MAGI2: variants seen among roughly 807,000 people sequenced by gnomAD.
The protein encoded by MAGI2 is membrane-associated guanylate kinase, WW and PDZ domain-containing protein 2.
MAGI2 carries 35 observed loss-of-function variants against 133.3 expected under a neutral mutation model. The ratio of observed to expected loss-of-function variants is 0.26; its 90% CI spans 0.20 to 0.35. MAGI2 has a LOEUF of 0.35. MAGI2 is among the 10% of genes least tolerant of loss of function. MAGI2 has a pLI of 1.00. For missense variants in MAGI2, 1,636 were observed against 1,863.4 expected, an observed-to-expected ratio of 0.88 and a Z score of 2.25; for synonymous variants, 729 against 710.6, an observed-to-expected ratio of 1.03 and a Z score of -0.41.
chr7:79,033,042 G>T (rs1229199379), intron 1 of MAGI2, among the ~76,000 whole-genome samples: 1 of 152,096 alleles, frequency 6.6e-6, no homozygotes, highest in Non-Finnish European at 1.5e-5. Context: ...AAAGCCAGGA[G>T]ATTTTTGAAC....
intron 1 of MAGI2, among the ~76,000 whole-genome samples, chr7:79,346,702 C>T (rs1260366828): frequency 5.3e-5 from 8 of 151,952 alleles, no homozygotes; most frequent in African/African-American, 1.9e-4. Context: ...GGTTATTGCT[C>T]TTCCTCCAGT....
chr7:79,073,763 C>T (rs984664987), intron 1 of MAGI2, among the ~76,000 whole-genome samples: 1 of 151,592 alleles, frequency 6.6e-6, no homozygotes, highest in South Asian at 2.1e-4. Context: ...CCTCCAACCC[C>T]ATCTTATGCC....
At chr7:78,465,737 T>A (rs565895583) in intron 6 of MAGI2, among the ~76,000 whole-genome samples, 1 of 152,260 alleles carries the variant, frequency 6.6e-6, no homozygotes, top group East Asian at 1.9e-4. Context: ...ATGGCTATGA[T>A]TTCTCTGCTT....
chr7:78,167,484 T>C (rs1419698561), intron 15 of MAGI2, among the ~76,000 whole-genome samples: 1 of 152,236 alleles, frequency 6.6e-6, no homozygotes, highest in Non-Finnish European at 1.5e-5. Context: ...AGCTTTATTG[T>C]TACCTTTTAT....
chr7:79,142,090 T>C (rs1431585795), intron 1 of MAGI2, among the ~76,000 whole-genome samples: 2 of 152,194 alleles, frequency 1.3e-5, no homozygotes, highest in Non-Finnish European at 2.9e-5. Flanking sequence ...CATGAATCAC[T>C]GAGTGAGGTT....
chr7:78,784,675 G>A (rs1241099486), intron 2 of MAGI2, among the ~76,000 whole-genome samples: 1 of 152,200 alleles, frequency 6.6e-6, no homozygotes, highest in Non-Finnish European at 1.5e-5. Flanking sequence ...ATTAGCGTTA[G>A]ATCATACTCT....
chr7:78,698,824 A>G (rs1478251021), intron 2 of MAGI2, among the ~76,000 whole-genome samples: 1 of 152,078 alleles, frequency 6.6e-6, no homozygotes, highest in Admixed American at 6.6e-5. Context: ...TCTCGTGAGA[A>G]CTCACTATCA....
At chr7:79,431,259 T>C (rs1029193934) in intron 1 of MAGI2, among the ~76,000 whole-genome samples, 1 of 152,208 alleles carries the variant, frequency 6.6e-6, no homozygotes, top group Non-Finnish European at 1.5e-5. Flanking sequence ...ATATTTATAA[T>C]CTACCTGGAT....
chr7:78,751,145 G>A (rs1035379050), intron 2 of MAGI2, among the ~76,000 whole-genome samples: 2 of 152,122 alleles, frequency 1.3e-5, no homozygotes, highest in Non-Finnish European at 2.9e-5. Flanking sequence ...TAATGGCTAA[G>A]TACAAAACTT....
intron 2 of MAGI2, among the ~76,000 whole-genome samples, chr7:78,990,159 C>T (rs951346848): frequency 6.6e-6 from 1 of 151,970 alleles, no homozygotes; most frequent in African/African-American, 2.4e-5. Context: ...GAGATAGATG[C>T]TATTTTATTC....
At chr7:78,458,565 T>C (rs1381893405) in intron 6 of MAGI2, among the ~76,000 whole-genome samples, 1 of 152,064 alleles carries the variant, frequency 6.6e-6, no homozygotes, top group Non-Finnish European at 1.5e-5. Context: ...GTTTAAATTA[T>C]GTTACATGAG....
chr7:79,128,672 A>G (rs912095512), intron 1 of MAGI2, among the ~76,000 whole-genome samples: 2 of 152,198 alleles, frequency 1.3e-5, no homozygotes, highest in African/African-American at 2.4e-5. Flanking sequence ...CAGGCTTGTG[A>G]GAAAACAGTC....
intron 1 of MAGI2, among the ~76,000 whole-genome samples, chr7:79,286,830 G>GC (rs1352087087): frequency 6.6e-6 from 1 of 152,012 alleles, no homozygotes; most frequent in African/African-American, 2.4e-5. Flanking sequence ...AGCAAGCCCT[G>GC]CAGGTCACTG....
intron 2 of MAGI2, among the ~76,000 whole-genome samples, chr7:78,661,075 C>A (rs1812905945): frequency 6.6e-6 from 1 of 152,126 alleles, no homozygotes; most frequent in Admixed American, 6.5e-5. Context: ...CTTCCTTCTC[C>A]CCTTAATAGC....
intron 21 of MAGI2, among the ~76,000 whole-genome samples, chr7:78,063,193 T>C (rs533635996): frequency 6.6e-5 from 10 of 152,248 alleles, no homozygotes; most frequent in South Asian, 6.2e-4. Context: ...TGACATCTGA[T>C]TATATAAACC....
chr7:78,766,149 C>T (rs566516517), intron 2 of MAGI2, among the ~76,000 whole-genome samples: 1 of 152,302 alleles, frequency 6.6e-6, no homozygotes, highest in East Asian at 1.9e-4. Flanking sequence ...AAGCTCTCAT[C>T]CCTGTGCCTT....
intron 2 of MAGI2, among the ~76,000 whole-genome samples, chr7:78,841,406 C>G (rs1161843769): frequency 6.6e-6 from 1 of 152,052 alleles, no homozygotes; most frequent in Non-Finnish European, 1.5e-5. Context: ...CTTGGTTTCT[C>G]TTTTCCTCAC....
chr7:78,619,190 C>T (rs1807446104), intron 3 of MAGI2, among the ~76,000 whole-genome samples: 1 of 151,208 alleles, frequency 6.6e-6, no homozygotes, highest in Admixed American at 6.6e-5. Flanking sequence ...AATAAAGCAA[C>T]ATAAAAAAGA....
chr7:78,578,656 G>A (rs372353170), intron 3 of MAGI2, among the ~76,000 whole-genome samples: 2 of 152,110 alleles, frequency 1.3e-5, no homozygotes, highest in African/African-American at 4.8e-5. Flanking sequence ...AAGGAAGAAG[G>A]AGGACTGCTT....
Sources: allele counts gnomAD v4.1 joint callset (sites outside exome capture counted in the v4.1 genomes callset), GRCh38; gene constraint gnomAD v4.1.1; transcripts MANE v1.5; gene names NCBI Gene and HGNC (gene_info 2026-07-23, HGNC 2026-07-21).